Variants in WDR19 observed in about 807,000 individuals in gnomAD.
WDR19 encodes WD repeat domain 19.
Under a neutral mutation model 180.0 loss-of-function variants are expected in WDR19, and 121 were observed. The ratio of observed to expected loss-of-function variants is 0.67; its 90% CI spans 0.58 to 0.78. The LOEUF (loss-of-function observed/expected upper bound fraction) is 0.78. Among genes scored for constraint, WDR19 ranks in the 30% least tolerant of loss-of-function variants. WDR19 has a pLI of 0.00. For synonymous variants in WDR19, 497 were observed against 540.7 expected (o/e 0.92, Z 1.12); for missense variants, 1,450 against 1,640.7 (o/e 0.88, Z 2.01).
At chr4:39,280,008 T>C (rs1736312914) in intron 36 of WDR19, among the ~76,000 whole-genome samples, 1 of 141,464 alleles carries the variant, frequency 7.1e-6, no homozygotes, top group African/African-American at 2.7e-5. Context: ...CAGCCGGGTG[T>C]TTGTCTTTTT....
At chr4:39,256,639 C>A (rs1329357199) in intron 27 of WDR19, among the ~76,000 whole-genome samples, 1 of 152,202 alleles carries the variant, frequency 6.6e-6, no homozygotes, top group Non-Finnish European at 1.5e-5. Flanking sequence ...AGCCTACAGG[C>A]CACCACCAAC....
chr4:39,274,902 TG>T lies in WDR19; in HGVS notation c.3661del (p.Glu1221AsnfsTer6). The part of the protein sequence containing the change: ...FSFAAMLMRP[E>X]YRSKIDAKYK... ...GCTTCGCAGCTATGTTGATGAGGCC[TG>T]AATACCGCAGCAAAATAGATGCCAA... On this transcript the variant is annotated frameshift_variant, in exon 33 of 37. Coordinates refer to ENST00000399820, the MANE Select transcript of WDR19 (RefSeq NM_025132.4). LOFTEE classifies it high-confidence loss of function. 2 of 1,614,056 alleles carry T rather than the reference TG, an allele frequency of 1.2e-6. No individual in the cohort carries two copies. The highest frequency in any genetic ancestry group is 1.7e-6 in the Non-Finnish European group (2 of 1,179,906).
chr4:39,252,538 A>G (rs963316049), intron 24 of WDR19, among the ~76,000 whole-genome samples: 4 of 151,936 alleles, frequency 2.6e-5, no homozygotes, highest in African/African-American at 9.6e-5. Context: ...AAATTAAAAA[A>G]TTTTTTAAAG....
At chr4:39,277,331 G>A (rs960613941) in intron 34 of WDR19, among the ~76,000 whole-genome samples, 188 bp downstream of exon 34, 1 of 152,140 alleles carries the variant, frequency 6.6e-6, no homozygotes, top group Non-Finnish European at 1.5e-5. Context: ...AATAATAGTG[G>A]AGGCACTATC....
intron 30 of WDR19, among the ~76,000 whole-genome samples, chr4:39,268,791 A>G (rs768355576): frequency 6.6e-6 from 1 of 152,152 alleles, no homozygotes; most frequent in Non-Finnish European, 1.5e-5. Flanking sequence ...CCTCAAGGTC[A>G]TGATTTGATG....
At chr4:39,182,691 G>T in intron 1 of WDR19, 128 bp downstream of exon 1, 1 of 1,428,252 alleles carries the variant, frequency 7.0e-7, no homozygotes, top group South Asian at 1.3e-5. Context: ...GAGAGAGAGA[G>T]AGAGGTGGCC....
At chr4:39,268,773 A>G (rs1190459988) in intron 30 of WDR19, among the ~76,000 whole-genome samples, 1 of 152,198 alleles carries the variant, frequency 6.6e-6, no homozygotes, top group Non-Finnish European at 1.5e-5. Flanking sequence ...ACTGAGCCAC[A>G]GTTCAACCCT....
intron 14 of WDR19, among the ~76,000 whole-genome samples, chr4:39,219,737 A>G (rs1413083963): frequency 6.6e-6 from 1 of 152,158 alleles, no homozygotes; most frequent in Admixed American, 6.5e-5. Context: ...TCTGACTTCA[A>G]TTTCTTGGTC....
At chr4:39,240,700 CT>C (rs1252872531) in intron 21 of WDR19, among the ~76,000 whole-genome samples, 1 of 152,030 alleles carries the variant, frequency 6.6e-6, no homozygotes, top group East Asian at 1.9e-4. Context: ...ACCTGTAATC[CT>C]AGCACTTTGG....
chr4:39,258,160 C>CAT (rs1733942606), intron 28 of WDR19, among the ~76,000 whole-genome samples: 2 of 150,158 alleles, frequency 1.3e-5, no homozygotes, highest in South Asian at 4.2e-4. Context: ...GTAAGTCATT[C>CAT]TTTTTTTTTT....
At chr4:39,242,522 A>G (rs1732063202) in intron 21 of WDR19, among the ~76,000 whole-genome samples, 1 of 152,008 alleles carries the variant, frequency 6.6e-6, no homozygotes, top group Admixed American at 6.5e-5. Context: ...GGTTTTTTCT[A>G]TCATCAAAAA....
intron 9 of WDR19, among the ~76,000 whole-genome samples, chr4:39,208,861 T>A (rs1199478773): frequency 2.0e-5 from 3 of 152,166 alleles, no homozygotes; most frequent in Non-Finnish European, 4.4e-5. Flanking sequence ...CAACATCATT[T>A]ATATAATGGA....
chr4:39,195,217 A>T (rs986934963), intron 5 of WDR19, among the ~76,000 whole-genome samples: 2 of 151,996 alleles, frequency 1.3e-5, no homozygotes, highest in Non-Finnish European at 2.9e-5. Flanking sequence ...AATACAAAAA[A>T]TTAGCCGGGC....
At chr4:39,250,587 T>A (rs1212332396) in intron 24 of WDR19, among the ~76,000 whole-genome samples, 1 of 152,232 alleles carries the variant, frequency 6.6e-6, no homozygotes. Context: ...GCAGATCACA[T>A]GATTGTATAT....
At position 39,240,349 on chromosome 4, in the gene WDR19, A is replaced by T; in HGVS notation, c.2421+15A>T. 7.1e-7 allele frequency: 1 copy of T among 1,400,952 alleles called. No homozygotes were observed. The highest frequency in any genetic ancestry group is 9.4e-7 in the Non-Finnish European group (1 of 1,064,906). The allele number at this position is 1,400,952 out of a possible 1,614,324, so 86.8% of individuals were successfully genotyped here. ...GTGATAATAAGGTAACCTTGGATAA[A>T]GATAAGATATGCCTAATTATGTCTG... On this transcript the variant is annotated intron_variant, in intron 21 of 36. Coordinates refer to ENST00000399820, the MANE Select transcript of WDR19 (RefSeq NM_025132.4).
At chr4:39,194,923 T>A in intron 5 of WDR19, 1 of 400,018 alleles carries the variant, frequency 2.5e-6, no homozygotes. Flanking sequence ...GGCTTCCATT[T>A]GTCCTTTCCC....
intron 4 of WDR19, among the ~76,000 whole-genome samples, chr4:39,191,575 A>G (rs1726150202): frequency 6.6e-6 from 1 of 152,204 alleles, no homozygotes; most frequent in Non-Finnish European, 1.5e-5. Context: ...TTATAGCGGT[A>G]TTTACTCTGC....
intron 13 of WDR19, among the ~76,000 whole-genome samples, chr4:39,217,666 C>T (rs1168826050): frequency 1.3e-5 from 2 of 152,090 alleles, no homozygotes; most frequent in Non-Finnish European, 1.5e-5. Context: ...GAGATGTTGG[C>T]ACCTGTGAAG....
chr4:39,247,445 C>T (rs112335095), intron 24 of WDR19, among the ~76,000 whole-genome samples: 10 of 152,240 alleles, frequency 6.6e-5, no homozygotes, highest in African/African-American at 1.4e-4. Context: ...AAAATCAGAG[C>T]GCCTCTCCTC....
Sources: allele counts gnomAD v4.1 joint callset (sites outside exome capture counted in the v4.1 genomes callset), GRCh38; gene constraint gnomAD v4.1.1; transcripts MANE v1.5; gene names NCBI Gene and HGNC (gene_info 2026-07-23, HGNC 2026-07-21).